SLC38A8: variants seen among roughly 807,000 people sequenced by gnomAD.
SLC38A8 encodes the protein amino acid transporter SLC38A8.
Under a neutral mutation model 46.0 loss-of-function variants are expected in SLC38A8, and 65 were observed. The observed-to-expected ratio is 1.41, with a 90% CI of 1.16 to 1.74. The LOEUF (loss-of-function observed/expected upper bound fraction) is 1.74. Ranked by LOEUF, SLC38A8 falls within the 40% of genes most tolerant of loss-of-function variation. The pLI is 0.00. For synonymous variants in SLC38A8, 447 were observed against 243.7 expected (o/e 1.83, Z -7.77); for missense variants, 998 against 567.9 (o/e 1.76, Z -7.70).
chr16:84,030,051 T>C (rs1273308455), intron 5 of SLC38A8, among the ~76,000 whole-genome samples: 1 of 152,176 alleles, frequency 6.6e-6, no homozygotes, highest in Non-Finnish European at 1.5e-5. Flanking sequence ...GCAGGTGTAA[T>C]TACTGAAAGT....
chr16:84,041,887 CA>C, intron 2 of SLC38A8, 81 bp downstream of exon 2: 2 of 1,303,714 alleles, frequency 1.5e-6, no homozygotes, highest in South Asian at 1.4e-5. Context: ...CGCAACTCCG[CA>C]GAAGCAATGC....
Position 84,009,750 on chromosome 16 carries a change from G to A in SLC38A8, c.*34C>T, listed in dbSNP as rs374919824. On this transcript the variant is annotated 3_prime_UTR_variant, in exon 11 of 11. Transcript: ENST00000299709. Reference sequence around the variant, plus strand: ...CAGCAGCCACGTAGGGTCAGCCCCCGGAGGGCCCCTTCCTGCCCGGCACTA... The same window carrying A: ...CAGCAGCCACGTAGGGTCAGCCCCCAGAGGGCCCCTTCCTGCCCGGCACTA... 4.3e-5 allele frequency: 69 copies of A among 1,594,404 alleles called. No individual in the cohort carries two copies. Among genetic ancestry groups the A allele is most frequent in the African/African-American group, 2.6e-4 (19 of 74,062 alleles).
chr16:84,030,120 G>A (rs1357199032), intron 5 of SLC38A8, among the ~76,000 whole-genome samples: 1 of 152,148 alleles, frequency 6.6e-6, no homozygotes, highest in Non-Finnish European at 1.5e-5. Context: ...GCCCTTATTG[G>A]AAGGGAAAAC....
chr16:84,029,187 G>A (rs909546952), intron 6 of SLC38A8, among the ~76,000 whole-genome samples: 28 of 152,278 alleles, frequency 1.8e-4, no homozygotes, highest in African/African-American at 6.3e-4. Flanking sequence ...TGCAGAGGAA[G>A]GGACAGGTCC....
chr16:84,026,782 A>G (rs548261020), intron 6 of SLC38A8, among the ~76,000 whole-genome samples: 195 of 152,336 alleles, frequency 1.3e-3, no homozygotes, highest in African/African-American at 4.5e-3. Flanking sequence ...GGGGGAGGGA[A>G]GCCTGTCTTA....
At chr16:84,035,660 G>A (rs556914359) in intron 3 of SLC38A8, among the ~76,000 whole-genome samples, 1 of 152,172 alleles carries the variant, frequency 6.6e-6, no homozygotes, top group Non-Finnish European at 1.5e-5. Flanking sequence ...AATGAGAAGA[G>A]AACTTCTATA....
chr16:84,019,434 T>A (rs760516717), intron 7 of SLC38A8, among the ~76,000 whole-genome samples: 2 of 152,118 alleles, frequency 1.3e-5, no homozygotes, highest in Non-Finnish European at 2.9e-5. Flanking sequence ...AGATGGTGCA[T>A]CCTTCAACCC....
At chr16:84,028,304 G>A (rs1373023413) in intron 6 of SLC38A8, among the ~76,000 whole-genome samples, 1 of 152,150 alleles carries the variant, frequency 6.6e-6, no homozygotes, top group Non-Finnish European at 1.5e-5. Flanking sequence ...AGCGTGGCCA[G>A]GCACGGTGGC....
In SLC38A8 at chr16:84,024,554, G is replaced by A. The variant is rs149184539; in HGVS notation, c.691-1665C>T. ...CCAGCACTTTGGGAGGCCAAGGCGTGTGGATCACCTGAGGTCTGGAGTTCG... is the reference window on the plus strand; with the variant it reads ...CCAGCACTTTGGGAGGCCAAGGCGTATGGATCACCTGAGGTCTGGAGTTCG... On this transcript the variant is annotated intron_variant, in intron 6 of 10. Coordinates refer to ENST00000299709, the MANE Select transcript of SLC38A8 (RefSeq NM_001080442.3). Among the ~76,000 whole-genome samples, 72 of 152,186 alleles carry A rather than the reference G, an allele frequency of 4.7e-4. 1 individual carries two copies. Among genetic ancestry groups the A allele is most frequent in the South Asian group, 4.1e-3 (20 of 4,826 alleles).
intron 7 of SLC38A8, among the ~76,000 whole-genome samples, chr16:84,019,092 T>G (rs1001225005): frequency 6.6e-6 from 1 of 152,080 alleles, no homozygotes; most frequent in African/African-American, 2.4e-5. Context: ...AAATTTTTTT[T>G]TTTTTTGAGA....
intron 2 of SLC38A8, among the ~76,000 whole-genome samples, chr16:84,037,915 T>C (rs2085320021): frequency 6.8e-6 from 1 of 148,012 alleles, no homozygotes; most frequent in South Asian, 2.1e-4. Context: ...TCCAAAGAAT[T>C]CTCCTGCCTC....
At position 84,036,787 on chromosome 16, in the gene SLC38A8, C is replaced by A; in HGVS notation, c.303G>T (p.Gly101=). The change falls in exon 3 of 11, where the codon GGG becomes GGT. Residue 101 remains glycine, a synonymous_variant. Coordinates refer to ENST00000299709, the MANE Select transcript of SLC38A8 (RefSeq NM_001080442.3). The stretch of plus-strand genomic sequence containing the variant: ...GGAGGAAGCAGGCCTCACACAGCTT[C>A]CCAATGGCAGGGCCACACAGCCCCC... ...VVRGLCGPAI[G]KLCEACFLLN... The A allele has an allele frequency of 1.2e-6, 2 of 1,614,206 alleles. No individual in the cohort carries two copies. Among genetic ancestry groups the A allele is most frequent in the Non-Finnish European group, 1.7e-6 (2 of 1,180,042 alleles).
At chr16:84,016,905 A>C in intron 8 of SLC38A8, 178 bp from the exon 9 acceptor site, 2 of 973,988 alleles carry the variant, frequency 2.1e-6, no homozygotes, top group East Asian at 2.6e-5. Context: ...ACCATCGGGC[A>C]GCCCATGGGG....
In SLC38A8 at chr16:84,034,568, G is replaced by A. The variant is rs548611016; in HGVS notation, c.389-1099C>T. Among the ~76,000 whole-genome samples the A allele has an allele frequency of 1.5e-4, 23 of 152,288 alleles. No individual in the cohort carries two copies. In the South Asian group the frequency reaches 2.3e-3, roughly 15 times the overall value. ...GAGCTTGAGATGTCTTCGCTCCTTC[G>A]GTGGGTTGTTGGCCCTGAGGTGTCT... On this transcript the variant is annotated intron_variant, in intron 3 of 10. Coordinates refer to ENST00000299709, the MANE Select transcript of SLC38A8 (RefSeq NM_001080442.3).
intron 7 of SLC38A8, among the ~76,000 whole-genome samples, chr16:84,020,356 G>A (rs764039318): frequency 2.6e-5 from 4 of 152,138 alleles, no homozygotes; most frequent in Non-Finnish European, 5.9e-5. Flanking sequence ...ACGTTGGCCA[G>A]GCTGGCCTCG....
chr16:84,025,208 G>T (rs1160505669), intron 6 of SLC38A8, among the ~76,000 whole-genome samples: 1 of 152,102 alleles, frequency 6.6e-6, no homozygotes, highest in Non-Finnish European at 1.5e-5. Context: ...CAGGCTCCTG[G>T]GGCTGGTTCC....
At chr16:84,034,857 C>G (rs998323428) in intron 3 of SLC38A8, among the ~76,000 whole-genome samples, 3 of 152,042 alleles carry the variant, frequency 2.0e-5, no homozygotes, top group African/African-American at 7.2e-5. Context: ...AGCCAGGATC[C>G]TCAGGGCCAA....
At chr16:84,017,897 C>G (rs1567692450) in intron 7 of SLC38A8, among the ~76,000 whole-genome samples, 1 of 152,140 alleles carries the variant, frequency 6.6e-6, no homozygotes, top group African/African-American at 2.4e-5. Context: ...GCAGTGGGAA[C>G]ATGTGGAGGT....
chr16:84,031,730 G>C (rs1283915029), intron 5 of SLC38A8, 137 bp downstream of exon 5: 3 of 728,364 alleles, frequency 4.1e-6, no homozygotes, highest in Non-Finnish European at 6.9e-6. Context: ...CACCGCATCA[G>C]AGACGGAAAG....
Sources: allele counts gnomAD v4.1 joint callset (sites outside exome capture counted in the v4.1 genomes callset), GRCh38; gene constraint gnomAD v4.1.1; transcripts MANE v1.5; gene names NCBI Gene and HGNC (gene_info 2026-07-23, HGNC 2026-07-21).